Variants in PRSS41 observed in about 807,000 individuals in gnomAD.
PRSS41 encodes the protein serine protease 41.
Under a neutral mutation model 28.8 loss-of-function variants are expected in PRSS41, and 37 were observed. The ratio of observed to expected loss-of-function variants is 1.29; its 90% CI spans 0.99 to 1.69. The LOEUF (loss-of-function observed/expected upper bound fraction) is 1.69, where lower values mean the gene tolerates loss of function less well. PRSS41 is among the 40% of genes most tolerant of loss of function. The probability of loss-of-function intolerance (pLI) is 0.00; values close to 1 mark genes in which losing one functional copy is unlikely to be tolerated. For missense variants in PRSS41, 431 were observed against 400.7 expected, an observed-to-expected ratio of 1.08 and a Z score of -0.65; for synonymous variants, 195 against 163.1, an observed-to-expected ratio of 1.20 and a Z score of -1.49.
Position 2,798,668 on chromosome 16 carries a change from G to A in PRSS41, c.91+6G>A. On this transcript the variant is annotated splice_donor_region_variant and intron_variant, in intron 2 of 5. Coordinates refer to ENST00000399677, the Ensembl canonical transcript of PRSS41. ...GGAGGAGGAGCTGTTGTCAGGTAGGGCGCCCAGGACGCGCGATGCCAGCCA... is the reference window on the plus strand; with the variant it reads ...GGAGGAGGAGCTGTTGTCAGGTAGGACGCCCAGGACGCGCGATGCCAGCCA... The A allele has an allele frequency of 6.8e-7, 1 of 1,469,372 alleles. No homozygotes were observed. Among genetic ancestry groups the A allele is most frequent in the Non-Finnish European group, 9.0e-7 (1 of 1,113,610 alleles). The allele number at this position is 1,469,372 out of a possible 1,614,324, so 91.0% of individuals were successfully genotyped here.
chr16:2,803,427 TA>T (rs201938077), intron 4 of PRSS41, among the ~76,000 whole-genome samples: 1 of 152,100 alleles, frequency 6.6e-6, no homozygotes, highest in African/African-American at 2.4e-5. Flanking sequence ...TCAACAGTAT[TA>T]AAAAAAATCT....
At chr16:2,799,307 G>T (rs2068969897) in exon 4 of PRSS41, 2 of 1,551,620 alleles carry the variant, frequency 1.3e-6, no homozygotes, top group Non-Finnish European at 1.7e-6. Context: ...CCTCCGAGTG[G>T]ACGGTCCAGC....
intron 4 of PRSS41, among the ~76,000 whole-genome samples, chr16:2,799,890 G>T (rs143245594): frequency 6.8e-4 from 104 of 152,356 alleles, no homozygotes; most frequent in African/African-American, 2.5e-3. Context: ...CTCAGGCAAT[G>T]ATTTTTAAAA....
At chr16:2,799,437 C>G in exon 4 of PRSS41, 1 of 1,552,218 alleles carries the variant, frequency 6.4e-7, no homozygotes, top group Non-Finnish European at 8.7e-7. Flanking sequence ...TGACATTGCC[C>G]TGCTGAGACT....
At position 2,798,635 on chromosome 16, in the gene PRSS41, G is replaced by T; in HGVS notation, c.65-1G>T. On this transcript the variant is annotated splice_acceptor_variant, in intron 1 of 5. Coordinates refer to ENST00000399677, the Ensembl canonical transcript of PRSS41. LOFTEE classifies it high-confidence loss of function. ...CGAGGGTCACTTCTTGTGTCCTGCA[G>T]AGTCGCAGGAGGAGGAGCTGTTGTC... The T allele has an allele frequency of 6.7e-7, 1 of 1,499,972 alleles. No homozygotes were observed. The allele number at this position is 1,499,972 out of a possible 1,614,324, so 92.9% of individuals were successfully genotyped here.
At chr16:2,804,606 C>T in intron 5 of PRSS41, 60 bp downstream of exon 5, 1 of 1,479,180 alleles carries the variant, frequency 6.8e-7, no homozygotes, top group Non-Finnish European at 9.2e-7. Flanking sequence ...CTGAGAGCAG[C>T]TACCATTTCT....
At chr16:2,800,412 GT>G (rs759305089) in intron 4 of PRSS41, among the ~76,000 whole-genome samples, 3 of 151,952 alleles carry the variant, frequency 2.0e-5, no homozygotes, top group Non-Finnish European at 2.9e-5. Flanking sequence ...GTGGGGGCGG[GT>G]GCCTGTAATC....
intron 4 of PRSS41, among the ~76,000 whole-genome samples, chr16:2,803,630 T>C (rs1357609910): frequency 2.6e-5 from 4 of 152,262 alleles, no homozygotes; most frequent in African/African-American, 9.6e-5. Context: ...CCTATGTAGT[T>C]GTCTTGACCA....
exon 4 of PRSS41, chr16:2,799,432 T>C (rs2068971602): frequency 1.3e-6 from 2 of 1,552,066 alleles, no homozygotes; most frequent in African/African-American, 1.4e-5. Flanking sequence ...CGCAATGACA[T>C]TGCCCTGCTG....
intron 4 of PRSS41, among the ~76,000 whole-genome samples, chr16:2,800,246 G>C (rs1442539685): frequency 6.6e-6 from 1 of 152,086 alleles, no homozygotes; most frequent in Non-Finnish European, 1.5e-5. Flanking sequence ...TAAAGATATG[G>C]CATAAAAGAT....
At chr16:2,799,039 A>G (rs1336381826) in exon 3 of PRSS41, 1 of 1,532,820 alleles carries the variant, frequency 6.5e-7, no homozygotes, top group African/African-American at 1.4e-5. Context: ...ATGGCAGGCC[A>G]GCCTGCGCCT....
In PRSS41 at chr16:2,802,117, T is replaced by G. The variant is rs561334350; in HGVS notation, c.542-2272T>G. Among the ~76,000 whole-genome samples the G allele has an allele frequency of 2.1e-4, 31 of 149,662 alleles. 2 individuals carry two copies. In the East Asian group the frequency reaches 6.2e-3, roughly 30 times the overall value. On this transcript the variant is annotated intron_variant, in intron 4 of 5. Transcript: ENST00000399677. ...GCTGCCGGGCGGAGAGGCTCCTCACTTCTCAGACGGAGTGGTTGCCAGGCA... is the reference window on the plus strand; with the variant it reads ...GCTGCCGGGCGGAGAGGCTCCTCACGTCTCAGACGGAGTGGTTGCCAGGCA...
At chr16:2,801,330 ACT>A (rs2068984507) in intron 4 of PRSS41, among the ~76,000 whole-genome samples, 2 of 135,662 alleles carry the variant, frequency 1.5e-5, no homozygotes, top group African/African-American at 2.8e-5. Context: ...TTGTTCTTGG[ACT>A]CTTATTTTTT....
chr16:2,804,459 C>A lies in PRSS41; in HGVS notation c.612C>A (p.Tyr204Ter). 6.4e-7 allele frequency: 1 copy of A among 1,551,672 alleles called. No homozygotes were observed. The highest frequency in any genetic ancestry group is 1.2e-5 in the South Asian group (1 of 84,048). Reference sequence around the variant, plus strand: ...TCTTAAACAACACCAGGTGTAATTACCTGTTTGAACAGCCCTCTAGCCGTA... The same window carrying A: ...TCTTAAACAACACCAGGTGTAATTAACTGTTTGAACAGCCCTCTAGCCGTA... The change falls in exon 5 of 6, where the codon TAC (tyrosine) becomes TAA (stop). Residue 204 changes from tyrosine (Y) to a stop codon, truncating the protein, a stop_gained. Transcript: ENST00000399677. LOFTEE classifies it high-confidence loss of function.
intron 4 of PRSS41, among the ~76,000 whole-genome samples, chr16:2,803,397 G>C (rs2069002100): frequency 6.6e-6 from 1 of 151,648 alleles, no homozygotes; most frequent in Non-Finnish European, 1.5e-5. Context: ...AACCTACTTT[G>C]AATTTATACT....
intron 2 of PRSS41, 147 bp from the exon 3 acceptor site, chr16:2,798,812 C>G (rs2068965144): frequency 5.1e-6 from 6 of 1,173,550 alleles, no homozygotes; most frequent in Non-Finnish European, 5.7e-6. Flanking sequence ...CTGCCCACCA[C>G]GTGGGAGGGT....
chr16:2,802,996 T>C (rs2068999961), intron 4 of PRSS41, among the ~76,000 whole-genome samples: 1 of 152,232 alleles, frequency 6.6e-6, no homozygotes, highest in African/African-American at 2.4e-5. Flanking sequence ...TGGAAATTTT[T>C]CCCAACCTTT....
chr16:2,804,603 C>A, intron 5 of PRSS41, 57 bp downstream of exon 5: 1 of 1,505,328 alleles, frequency 6.6e-7, no homozygotes, highest in Non-Finnish European at 9.0e-7. Flanking sequence ...CACCTGAGAG[C>A]AGCTACCATT....
intron 4 of PRSS41, among the ~76,000 whole-genome samples, chr16:2,802,600 C>G (rs1596309951): frequency 6.6e-6 from 1 of 152,354 alleles, no homozygotes; most frequent in South Asian, 2.1e-4. Context: ...CCATTGAGCA[C>G]TGAGTGAACC....
Sources: gnomAD v4.1 joint callset for allele counts (sites outside exome capture counted in the v4.1 genomes callset) on GRCh38, gnomAD v4.1.1 for gene constraint, MANE v1.5 for transcripts, NCBI Gene and HGNC (gene_info 2026-07-23, HGNC 2026-07-21) for gene names.